The following NME7 variants were observed in gnomAD, a reference collection of about 807,000 sequenced individuals.
The protein encoded by NME7 is NME/NM23 family member 7, also known as nucleoside diphosphate kinase 7.
NME7 carries 41 observed loss-of-function variants against 49.1 expected under a neutral mutation model. The ratio of observed to expected loss-of-function variants is 0.83; its 90% CI spans 0.65 to 1.08. The LOEUF (loss-of-function observed/expected upper bound fraction) is 1.08, where lower values mean the gene tolerates loss of function less well. NME7 is among the 50% of genes least tolerant of loss of function. NME7 has a pLI of 0.00. For missense variants in NME7, 423 were observed against 463.4 expected (o/e 0.91, Z 0.80); for synonymous variants, 139 against 150.6 (o/e 0.92, Z 0.56).
intron 11 of NME7, among the ~76,000 whole-genome samples, chr1:169,134,726 A>G (rs751716612): frequency 1.3e-5 from 2 of 152,178 alleles, no homozygotes; most frequent in African/African-American, 2.4e-5. Flanking sequence ...GAATAGTTTA[A>G]AACAAGTAGT....
intron 10 of NME7, among the ~76,000 whole-genome samples, chr1:169,225,559 G>A (rs893912613): frequency 6.6e-6 from 1 of 152,122 alleles, no homozygotes; most frequent in Non-Finnish European, 1.5e-5. Context: ...CCACTGCAGG[G>A]CTTTAAGCAG....
At chr1:169,139,925 C>A (rs1363684449) in intron 11 of NME7, among the ~76,000 whole-genome samples, 1 of 152,180 alleles carries the variant, frequency 6.6e-6, no homozygotes, top group Non-Finnish European at 1.5e-5. Flanking sequence ...TATTTTTCTT[C>A]TTTTGCCACA....
At position 169,258,378 on chromosome 1, in the gene NME7, A is replaced by G. The variant is rs1203164485; in HGVS notation, c.755-20691T>C. Among the ~76,000 whole-genome samples, 2 of 51,326 alleles carry G rather than the reference A, an allele frequency of 3.9e-5. 1 individual carries two copies. Among genetic ancestry groups the G allele is most frequent in the Non-Finnish European group, 7.3e-5 (2 of 27,548 alleles). 33.7% of individuals were successfully genotyped at this position (51,326 alleles called of 152,430 possible). ...AATAAAATAAAATAAAATAAAACAT[A>G]TATATATATATATATATATATATAT... is the stretch of plus-strand genomic sequence containing the variant. On this transcript the variant is annotated intron_variant, in intron 7 of 11. Transcript: ENST00000367811.
intron 6 of NME7, among the ~76,000 whole-genome samples, chr1:169,289,445 C>T (rs1272594297): frequency 1.3e-5 from 2 of 152,232 alleles, no homozygotes; most frequent in Middle Eastern, 3.4e-3. Context: ...CCACAGTGTA[C>T]AAATGAGAAA....
chr1:169,143,708 C>A (rs1302160678), intron 11 of NME7, among the ~76,000 whole-genome samples: 1 of 152,158 alleles, frequency 6.6e-6, no homozygotes, highest in Non-Finnish European at 1.5e-5. Context: ...AATGAATTTA[C>A]GGTTTAGTTT....
intron 11 of NME7, among the ~76,000 whole-genome samples, chr1:169,162,456 T>C (rs1659278259): frequency 1.3e-5 from 2 of 152,010 alleles, no homozygotes; most frequent in South Asian, 4.1e-4. Flanking sequence ...TTGCTATACA[T>C]AACTGTCTCC....
chr1:169,184,886 G>A (rs116238553), intron 10 of NME7, among the ~76,000 whole-genome samples: 74 of 152,196 alleles, frequency 4.9e-4, no homozygotes, highest in African/African-American at 1.7e-3. Flanking sequence ...TCCTACCAAG[G>A]CAGAGCATAG....
chr1:169,270,508 T>G (rs1649457114), intron 7 of NME7, among the ~76,000 whole-genome samples: 1 of 134,470 alleles, frequency 7.4e-6, no homozygotes, highest in South Asian at 2.3e-4. Context: ...GACTACATTT[T>G]TCTCCCTGTA....
intron 7 of NME7, among the ~76,000 whole-genome samples, chr1:169,275,291 C>A (rs189687318): frequency 1.6e-4 from 21 of 128,498 alleles, no homozygotes; most frequent in African/African-American, 5.2e-4. Context: ...TGTATAAGAA[C>A]ACGGTGAAAC....
At chr1:169,188,421 A>G (rs1274433424) in intron 10 of NME7, among the ~76,000 whole-genome samples, 1 of 152,188 alleles carries the variant, frequency 6.6e-6, no homozygotes, top group Non-Finnish European at 1.5e-5. Flanking sequence ...AATCACGTCT[A>G]TGCAACAAAT....
At chr1:169,310,215 T>C in intron 3 of NME7, 135 bp from the exon 4 acceptor site, 1 of 568,524 alleles carries the variant, frequency 1.8e-6, no homozygotes, top group Non-Finnish European at 3.0e-6. Flanking sequence ...AAAAGTGTAT[T>C]AAAGACATCC....
intron 6 of NME7, among the ~76,000 whole-genome samples, chr1:169,295,467 T>C (rs183612788): frequency 3.7e-4 from 56 of 152,320 alleles, no homozygotes; most frequent in Admixed American, 1.6e-3. Flanking sequence ...ATGTTTATTA[T>C]TTTTATAATG....
At chr1:169,256,089 T>A (rs1375746736) in intron 7 of NME7, among the ~76,000 whole-genome samples, 1 of 133,132 alleles carries the variant, frequency 7.5e-6, no homozygotes, top group African/African-American at 2.5e-5. Flanking sequence ...TCTCTGTATT[T>A]CCTGAATCTG....
At chr1:169,254,738 T>G (rs952586267) in intron 7 of NME7, among the ~76,000 whole-genome samples, 2 of 145,254 alleles carry the variant, frequency 1.4e-5, no homozygotes, top group Admixed American at 6.9e-5. Flanking sequence ...GCTTCGAATG[T>G]GTCCCAGAGA....
At chr1:169,142,575 A>T (rs1355504788) in intron 11 of NME7, among the ~76,000 whole-genome samples, 7 of 152,248 alleles carry the variant, frequency 4.6e-5, no homozygotes. Context: ...ATACAGAGAC[A>T]GTATGGCAAA....
At chr1:169,275,803 T>C (rs570779523) in intron 7 of NME7, among the ~76,000 whole-genome samples, 1 of 133,738 alleles carries the variant, frequency 7.5e-6, no homozygotes, top group South Asian at 2.3e-4. Flanking sequence ...GCCCATTCAG[T>C]GTGATACTGG....
intron 7 of NME7, among the ~76,000 whole-genome samples, chr1:169,257,937 T>G (rs1392069934): frequency 1.5e-5 from 2 of 134,238 alleles, no homozygotes; most frequent in Non-Finnish European, 3.5e-5. Flanking sequence ...GAAAGAAGAC[T>G]GAAATGATAA....
At chr1:169,244,151 T>C (rs1450989889) in intron 7 of NME7, among the ~76,000 whole-genome samples, 1 of 152,140 alleles carries the variant, frequency 6.6e-6, no homozygotes, top group Admixed American at 6.5e-5. Flanking sequence ...TTATAGAATG[T>C]ATATGTAGTA....
intron 3 of NME7, among the ~76,000 whole-genome samples, chr1:169,311,317 G>A (rs1009658694): frequency 6.6e-6 from 1 of 150,850 alleles, no homozygotes; most frequent in Non-Finnish European, 1.5e-5. Context: ...TACTAAGGAG[G>A]TTGAGGCAGG....
Sources: allele counts gnomAD v4.1 joint callset (sites outside exome capture counted in the v4.1 genomes callset), GRCh38; gene constraint gnomAD v4.1.1; transcripts MANE v1.5; gene names NCBI Gene and HGNC (gene_info 2026-07-23, HGNC 2026-07-21).